Variants in COG8 observed in about 807,000 individuals in gnomAD.
The protein encoded by COG8 is conserved oligomeric Golgi complex subunit 8.
COG8 carries 45 observed loss-of-function variants against 46.5 expected under a neutral mutation model. The ratio of observed to expected loss-of-function variants is 0.97; its 90% CI spans 0.76 to 1.24. The LOEUF (loss-of-function observed/expected upper bound fraction) is 1.24, where lower values mean the gene tolerates loss of function less well. COG8 is among the 50% of genes most tolerant of loss of function. The pLI, the probability that COG8 is intolerant of heterozygous loss-of-function variation, is 0.00. For missense variants in COG8, 793 were observed against 820.8 expected (o/e 0.97, Z 0.41); for synonymous variants, 407 against 347.8 (o/e 1.17, Z -1.90).
chr16:69,328,639 T>C lies in COG8; in HGVS notation c.*567A>G, dbSNP rs988522999. On this transcript the variant is annotated 3_prime_UTR_variant, in exon 6 of 6. Coordinates refer to ENST00000306875, the MANE Select transcript of COG8 (RefSeq NM_032382.5). ...ACAAATGGCCAGTCACATGCTTACC[T>C]GCATTTTTAAAGACAGCTTTCAGGT... 23 of 208,928 alleles carry C rather than the reference T, an allele frequency of 1.1e-4. No homozygotes were observed. The highest frequency in any genetic ancestry group is 4.7e-4 in the African/African-American group (20 of 42,216). 12.9% of individuals were successfully genotyped at this position (208,928 alleles called of 1,614,324 possible). A position where few individuals can be genotyped will look rare whatever the true frequency, so the allele number is the denominator to read the frequency against.
At position 69,328,988 on chromosome 16, in the gene COG8, G is replaced by C. The variant is rs756265336; in HGVS notation, c.*218C>G. 6.3e-7 allele frequency: 1 copy of C among 1,587,772 alleles called. No individual in the cohort carries two copies. The highest frequency in any genetic ancestry group is 8.5e-7 in the Non-Finnish European group (1 of 1,172,672). The stretch of plus-strand genomic sequence containing the variant: ...CTCAAAGTGAAAGTGTTTGCGTCTT[G>C]GTATCCGGAATCCTCAGCCCCAGTA... On this transcript the variant is annotated 3_prime_UTR_variant, in exon 6 of 6. Coordinates refer to ENST00000306875, the MANE Select transcript of COG8 (RefSeq NM_032382.5).
At chr16:69,330,693 G>C (rs1039691491) in intron 5 of COG8, 120 bp downstream of exon 5, 8 of 1,394,244 alleles carry the variant, frequency 5.7e-6, no homozygotes, top group African/African-American at 1.5e-5. Flanking sequence ...TGCTTAGACT[G>C]GCAGTGAGCA....
intron 1 of COG8, among the ~76,000 whole-genome samples, chr16:69,337,174 AG>A (rs1347359467): frequency 2.0e-5 from 3 of 151,482 alleles, no homozygotes; most frequent in Admixed American, 2.0e-4. Flanking sequence ...CCAGCTACTC[AG>A]GAGGCTGAGG....
At chr16:69,330,659 G>C (rs2011744501) in intron 5 of COG8, 154 bp downstream of exon 5, 3 of 1,401,182 alleles carry the variant, frequency 2.1e-6, no homozygotes. Flanking sequence ...ACACAGCGAA[G>C]CCGCGACTGG....
At chr16:69,330,300 C>A (rs968727973) in intron 5 of COG8, 2 of 1,431,962 alleles carry the variant, frequency 1.4e-6, no homozygotes, top group Non-Finnish European at 1.8e-6. Context: ...CGCTGCAGCT[C>A]GGGCCCGCCT....
intron 5 of COG8, chr16:69,330,139 T>C (rs1016499466): frequency 1.9e-6 from 3 of 1,563,400 alleles, no homozygotes; most frequent in Non-Finnish European, 8.6e-7. Flanking sequence ...AGGGCTCCAT[T>C]TGGCGGAGCG....
Position 69,339,102 on chromosome 16 carries a change from T to G in COG8, c.377+74A>C. 3 of 1,601,068 alleles carry G rather than the reference T, an allele frequency of 1.9e-6. No individual in the cohort carries two copies. The South Asian group carries it at 3.3e-5, about 18-fold the overall frequency. ...CCTGGAACGTGGTAAACGCTTTATGTGTTAGTTATTTCTACCATCGTAAAT... is the reference window on the plus strand; with the variant it reads ...CCTGGAACGTGGTAAACGCTTTATGGGTTAGTTATTTCTACCATCGTAAAT... On this transcript the variant is annotated intron_variant, in intron 1 of 5. Transcript: ENST00000306875.
At position 69,335,270 on chromosome 16, in the gene COG8, G is replaced by A. The variant is rs779745199; in HGVS notation, c.664C>T (p.Leu222Phe). ...CCAATGACACGGAGGCAGGCAGGAA[G>A]CTGGATGTTGGTCCTCAGTTGCTGG... ...LIQQLRTNIQ[L>F]PACLRVIGYL... The change falls in exon 3 of 6, where the codon CTT becomes TTT. Residue 222 changes from leucine to phenylalanine, a missense_variant. Transcript: ENST00000306875. 1.7e-5 allele frequency: 28 copies of A among 1,613,232 alleles called. No homozygotes were observed. Among genetic ancestry groups the A allele is most frequent in the Admixed American group, 1.3e-4 (8 of 59,918 alleles).
In COG8 at chr16:69,336,732, T is replaced by C. The variant is rs1164520161; in HGVS notation, c.378-20A>G. ...AAGTTCCTAGTAATAATCAGAAGAA[T>C]GTTGATCCTTCACTGCTCTGTACCC... On this transcript the variant is annotated intron_variant, in intron 1 of 5. Coordinates refer to ENST00000306875, the MANE Select transcript of COG8 (RefSeq NM_032382.5). 9.9e-6 allele frequency: 16 copies of C among 1,608,290 alleles called. No homozygotes were observed. Among genetic ancestry groups the C allele is most frequent in the Non-Finnish European group, 1.4e-5 (16 of 1,175,054 alleles).
chr16:69,331,906 G>A (rs1484937635), intron 4 of COG8, among the ~76,000 whole-genome samples: 1 of 152,196 alleles, frequency 6.6e-6, no homozygotes, highest in Non-Finnish European at 1.5e-5. Flanking sequence ...GGTGCCTGCA[G>A]CAGGAACCCA....
At position 69,328,935 on chromosome 16, in the gene COG8, A is replaced by G; in HGVS notation, c.*271T>C. On this transcript the variant is annotated 3_prime_UTR_variant, in exon 6 of 6. Transcript: ENST00000306875. ...GTTTCCTGTCATATGCGAGCCATCC[A>G]AGTTGATGCCAAGTAAGATTTGCCC... 6.5e-7 allele frequency: 1 copy of G among 1,528,112 alleles called. No individual in the cohort carries two copies. The highest frequency in any genetic ancestry group is 1.2e-5 in the South Asian group (1 of 81,756). 94.7% of individuals were successfully genotyped at this position (1,528,112 alleles called of 1,614,324 possible).
In COG8 at chr16:69,334,718, G is replaced by A. The variant is rs776702620; in HGVS notation, c.1216C>T (p.Leu406=). Reference sequence around the variant, plus strand: ...GCAGCAGGCATGTTACTGGTGCCCAGGATGGCTGGAGCCGAGATGAGCATG... The same window carrying A: ...GCAGCAGGCATGTTACTGGTGCCCAAGATGGCTGGAGCCGAGATGAGCATG... ...SYMLISAPAI[L]GTSNMPAAVP... Residue 406 remains leucine (L), a synonymous_variant, in exon 3 of 6, where the codon CTG becomes TTG. Transcript: ENST00000306875. 17 of 1,614,062 alleles carry A rather than the reference G, an allele frequency of 1.1e-5. No individual in the cohort carries two copies. The highest frequency in any genetic ancestry group is 1.4e-5 in the Non-Finnish European group (17 of 1,180,052).
In COG8 at chr16:69,327,160, C is replaced by CTTTTTTTTTTTT. The variant is rs1169149930; in HGVS notation, c.*2034_*2045dup. On this transcript the variant is annotated 3_prime_UTR_variant, in exon 6 of 6. Transcript: ENST00000306875. ...TGCACCAGTATCTGGTTGGGATTCC[C>CTTTTTTTTTTTT]TTTTTTTTTTTTTTTTTTTTTTTTT... is the stretch of plus-strand genomic sequence containing the variant. 2.2e-5 allele frequency: 2 copies of CTTTTTTTTTTTT among 91,584 alleles called. No individual in the cohort carries two copies. The highest frequency in any genetic ancestry group is 8.9e-5 in the African/African-American group (2 of 22,408). The allele number at this position is 91,584 out of a possible 1,614,324, so 5.7% of individuals were successfully genotyped here.
At chr16:69,332,356 A>G (rs1194437853) in intron 4 of COG8, among the ~76,000 whole-genome samples, 1 of 152,228 alleles carries the variant, frequency 6.6e-6, no homozygotes, top group Non-Finnish European at 1.5e-5. Flanking sequence ...CTCAAAAAAA[A>G]AAAAGACTGT....
At chr16:69,329,953 G>C (rs1324300613) in intron 5 of COG8, 6 of 1,490,036 alleles carry the variant, frequency 4.0e-6, no homozygotes, top group South Asian at 1.3e-5. Flanking sequence ...GGGCAGAAGA[G>C]ACGCGCGCGC....
rs781757701 is a variant in COG8, at chr16:69,330,164, G to T, written c.*26+649C>A. ...TTGGCGGAGCGCGCGCTGGCGGGGCGGGCACTCCCGACACAGCGCCTCGGG... is the reference window on the plus strand; with the variant it reads ...TTGGCGGAGCGCGCGCTGGCGGGGCTGGCACTCCCGACACAGCGCCTCGGG... On this transcript the variant is annotated intron_variant, in intron 5 of 5. Coordinates refer to ENST00000306875, the MANE Select transcript of COG8 (RefSeq NM_032382.5). 2.3e-5 allele frequency: 35 copies of T among 1,531,788 alleles called. No individual in the cohort carries two copies. The South Asian group carries it at 2.7e-4, about 12-fold the overall frequency. The allele number at this position is 1,531,788 out of a possible 1,614,324, so 94.9% of individuals were successfully genotyped here. A position where few individuals can be genotyped will look rare whatever the true frequency, so the allele number is the denominator to read the frequency against.
At chr16:69,332,065 G>A (rs1053332287) in intron 4 of COG8, among the ~76,000 whole-genome samples, 3 of 151,902 alleles carry the variant, frequency 2.0e-5, no homozygotes, top group Admixed American at 6.6e-5. Context: ...TTGGAAAAAA[G>A]ACTTTAGGAC....
In COG8 at chr16:69,336,612, G is replaced by A. The variant is rs756306527; in HGVS notation, c.478C>T (p.Gln160Ter). 1 of 1,614,170 alleles carries A rather than the reference G, an allele frequency of 6.2e-7. No homozygotes were observed. Among genetic ancestry groups the A allele is most frequent in the South Asian group, 1.1e-5 (1 of 91,082 alleles). ...TEILEILEIP[Q>*]LMDTCVRNSY... ...TTCCGGACACAGGTGTCCATGAGCTGAGGAATCTCCAGTATTTCCAAAATT... is the reference window on the plus strand; with the variant it reads ...TTCCGGACACAGGTGTCCATGAGCTAAGGAATCTCCAGTATTTCCAAAATT... The change falls in exon 2 of 6, where the codon CAG becomes TAG. Residue 160 changes from glutamine to a stop codon, truncating the protein, a stop_gained. Transcript: ENST00000306875. LOFTEE classifies it high-confidence loss of function.
At chr16:69,333,277 C>T (rs1395164178) in intron 3 of COG8, among the ~76,000 whole-genome samples, 1 of 151,960 alleles carries the variant, frequency 6.6e-6, no homozygotes, top group Non-Finnish European at 1.5e-5. Context: ...AGGGATACTC[C>T]CACCTTAGCC....
Sources: gnomAD v4.1 joint callset for allele counts (sites outside exome capture counted in the v4.1 genomes callset) on GRCh38, gnomAD v4.1.1 for gene constraint, MANE v1.5 for transcripts, NCBI Gene and HGNC (gene_info 2026-07-23, HGNC 2026-07-21) for gene names.